ARIH1: variants seen among roughly 807,000 people sequenced by gnomAD.
ARIH1 encodes the protein ariadne RBR E3 ubiquitin protein ligase 1.
ARIH1 carries 8 observed loss-of-function variants against 85.0 expected under a neutral mutation model. The ratio of observed to expected loss-of-function variants is 0.09; its 90% CI spans 0.06 to 0.17. ARIH1 has a LOEUF of 0.17. ARIH1 is among the 10% of genes least tolerant of loss of function. The pLI is 1.00. For synonymous variants in ARIH1, 238 were observed against 253.6 expected (o/e 0.94, Z 0.59); for missense variants, 311 against 718.1 (o/e 0.43, Z 6.48).
At chr15:72,545,771 G>C (rs1287187291) in intron 3 of ARIH1, among the ~76,000 whole-genome samples, 2 of 152,262 alleles carry the variant, frequency 1.3e-5, no homozygotes, top group African/African-American at 4.8e-5. Flanking sequence ...AGAGGTTACA[G>C]TGAGCTGACA....
intron 2 of ARIH1, among the ~76,000 whole-genome samples, chr15:72,542,117 G>A (rs1011118822): frequency 2.0e-5 from 3 of 152,190 alleles, no homozygotes; most frequent in South Asian, 2.1e-4. Context: ...TCCTTATTAC[G>A]CAAAAATAAA....
intron 1 of ARIH1, among the ~76,000 whole-genome samples, chr15:72,511,302 TTTC>T (rs1422237596): frequency 6.6e-6 from 1 of 152,142 alleles, no homozygotes; most frequent in Non-Finnish European, 1.5e-5. Context: ...TGATCTTTTC[TTTC>T]TTTCTTTCTT....
chr15:72,533,811 G>A lies in ARIH1; in HGVS notation c.444-11009G>A, dbSNP rs541183248. On this transcript the variant is annotated intron_variant, in intron 2 of 13. Transcript: ENST00000379887. ...AGTCCCAGCTACTCAGGAGGCTGAG[G>A]TGGGAGGATTGCTGGAGCCTAGGAG... is the stretch of plus-strand genomic sequence containing the variant. Among the ~76,000 whole-genome samples the A allele has an allele frequency of 6.6e-5, 10 of 152,254 alleles. 1 individual carries two copies. In the South Asian group the frequency reaches 2.1e-3, roughly 32 times the overall value.
chr15:72,541,980 A>G (rs1012125125), intron 2 of ARIH1, among the ~76,000 whole-genome samples: 10 of 152,220 alleles, frequency 6.6e-5, no homozygotes, highest in African/African-American at 2.4e-5. Context: ...GTCAGAGATC[A>G]GTTATTTGAG....
intron 5 of ARIH1, among the ~76,000 whole-genome samples, chr15:72,561,157 T>C (rs1300499661): frequency 6.6e-6 from 1 of 152,164 alleles, no homozygotes; most frequent in African/African-American, 2.4e-5. Context: ...TGATATGATA[T>C]CAGAGTCAAA....
intron 1 of ARIH1, among the ~76,000 whole-genome samples, chr15:72,488,099 G>T (rs1248908009): frequency 6.6e-6 from 1 of 151,998 alleles, no homozygotes; most frequent in Non-Finnish European, 1.5e-5. Flanking sequence ...GCAGTGGCAC[G>T]ATCACGGCTC....
chr15:72,510,580 T>TA (rs1453821251), intron 1 of ARIH1, among the ~76,000 whole-genome samples: 2 of 151,104 alleles, frequency 1.3e-5, no homozygotes, highest in Non-Finnish European at 3.0e-5. Context: ...CCATCTCTAC[T>TA]AAAAAAATTA....
chr15:72,541,021 C>T (rs559504348), intron 2 of ARIH1, among the ~76,000 whole-genome samples: 2 of 152,194 alleles, frequency 1.3e-5, no homozygotes, highest in East Asian at 1.9e-4. Context: ...AGACAAGAGA[C>T]AAAGTGGGAC....
chr15:72,574,493 A>G (rs916157210), intron 11 of ARIH1, among the ~76,000 whole-genome samples: 2 of 152,206 alleles, frequency 1.3e-5, no homozygotes, highest in Non-Finnish European at 2.9e-5. Context: ...CACATATTCA[A>G]AAGATCCTTG....
intron 2 of ARIH1, among the ~76,000 whole-genome samples, chr15:72,533,360 G>A (rs1039775414): frequency 2.6e-5 from 4 of 152,164 alleles, no homozygotes; most frequent in African/African-American, 9.7e-5. Context: ...GAACTCCTGA[G>A]CTCAAGGAAT....
At chr15:72,548,665 A>C (rs1295103799) in intron 3 of ARIH1, among the ~76,000 whole-genome samples, 2 of 152,230 alleles carry the variant, frequency 1.3e-5, no homozygotes, top group Non-Finnish European at 2.9e-5. Flanking sequence ...TAGAAGGATA[A>C]TTTTAACCTC....
intron 1 of ARIH1, among the ~76,000 whole-genome samples, chr15:72,504,357 C>CA (rs1286109136): frequency 4.6e-5 from 7 of 152,136 alleles, no homozygotes; most frequent in African/African-American, 2.4e-5. Flanking sequence ...CCCAGCCAGA[C>CA]AGCCTTTTTT....
intron 2 of ARIH1, among the ~76,000 whole-genome samples, chr15:72,536,385 C>T (rs1162922648): frequency 1.3e-5 from 2 of 152,222 alleles, no homozygotes; most frequent in Non-Finnish European, 2.9e-5. Flanking sequence ...TCACTAGCTA[C>T]TGCACATAGC....
chr15:72,484,630 C>CATAT (rs561062659), intron 1 of ARIH1, among the ~76,000 whole-genome samples: 43 of 147,930 alleles, frequency 2.9e-4, no homozygotes, highest in East Asian at 1.2e-3. Flanking sequence ...AGTATTCCAT[C>CATAT]ATATATATAT....
Position 72,583,340 on chromosome 15 carries a change from G to C in ARIH1, c.*48G>C. On this transcript the variant is annotated 3_prime_UTR_variant, in exon 14 of 14. Transcript: ENST00000379887. ...CTCTGAAAACTTTACCATCTAGAGT[G>C]CTCATGCAATTAAAACAAAACAAAC... 6.7e-7 allele frequency: 1 copy of C among 1,482,028 alleles called. No homozygotes were observed. The highest frequency in any genetic ancestry group is 1.2e-5 in the South Asian group (1 of 86,508). 91.8% of individuals were successfully genotyped at this position (1,482,028 alleles called of 1,614,324 possible).
intron 5 of ARIH1, among the ~76,000 whole-genome samples, chr15:72,558,963 AC>A (rs1326467902): frequency 6.6e-6 from 1 of 152,222 alleles, no homozygotes; most frequent in African/African-American, 2.4e-5. Context: ...TTGGCCTGAT[AC>A]ATTCCTTATT....
At chr15:72,558,995 C>G (rs946192272) in intron 5 of ARIH1, among the ~76,000 whole-genome samples, 3 of 152,160 alleles carry the variant, frequency 2.0e-5, no homozygotes, top group Admixed American at 1.3e-4. Context: ...GATATAAAAT[C>G]TGTAATATAA....
chr15:72,574,764 CTG>C (rs1392322391), intron 11 of ARIH1, among the ~76,000 whole-genome samples: 6 of 152,110 alleles, frequency 3.9e-5, no homozygotes, highest in African/African-American at 1.4e-4. Flanking sequence ...GTAGGTATAA[CTG>C]TTCCAAGTAA....
intron 1 of ARIH1, among the ~76,000 whole-genome samples, chr15:72,487,145 A>G (rs1177120069): frequency 2.6e-5 from 4 of 152,058 alleles, no homozygotes; most frequent in Admixed American, 2.0e-4. Context: ...TGTTCCATTT[A>G]AAAGTGTCAG....
Sources: gnomAD v4.1 joint callset for allele counts (sites outside exome capture counted in the v4.1 genomes callset) on GRCh38, gnomAD v4.1.1 for gene constraint, MANE v1.5 for transcripts, NCBI Gene and HGNC (gene_info 2026-07-23, HGNC 2026-07-21) for gene names.